Variants in NOS1AP observed in about 807,000 individuals in gnomAD.
The protein encoded by NOS1AP is carboxyl-terminal PDZ ligand of neuronal nitric oxide synthase protein.
Under a neutral mutation model 56.2 loss-of-function variants are expected in NOS1AP, and 21 were observed. The observed-to-expected ratio is 0.37, with a 90% CI of 0.26 to 0.54. The LOEUF (loss-of-function observed/expected upper bound fraction) is 0.54. Among genes scored for constraint, NOS1AP ranks in the 20% least tolerant of loss-of-function variants. The pLI is 0.84. For missense variants in NOS1AP, 522 were observed against 657.8 expected (o/e 0.79, Z 2.26); for synonymous variants, 270 against 274.6 (o/e 0.98, Z 0.17).
At chr1:162,228,668 C>T (rs1653019839) in intron 2 of NOS1AP, among the ~76,000 whole-genome samples, 1 of 152,242 alleles carries the variant, frequency 6.6e-6, no homozygotes, top group African/African-American at 2.4e-5. Context: ...TACCTTCTAA[C>T]TCGCTCAAAT....
At chr1:162,222,060 G>A (rs565281767) in intron 2 of NOS1AP, among the ~76,000 whole-genome samples, 7 of 152,112 alleles carry the variant, frequency 4.6e-5, no homozygotes, top group South Asian at 2.1e-4. Flanking sequence ...AATGAATTTC[G>A]CTTCTATTTC....
At chr1:162,303,396 C>A (rs541090471) in intron 4 of NOS1AP, among the ~76,000 whole-genome samples, 20 of 152,284 alleles carry the variant, frequency 1.3e-4, no homozygotes, top group African/African-American at 4.8e-4. Context: ...ATTAATATCT[C>A]ATTGTGATTT....
chr1:162,155,872 G>A (rs1649952602), intron 2 of NOS1AP, among the ~76,000 whole-genome samples: 1 of 152,144 alleles, frequency 6.6e-6, no homozygotes, highest in East Asian at 1.9e-4. Flanking sequence ...GTCATCCCTG[G>A]ATGCAGCCTG....
At position 162,343,891 on chromosome 1, in the gene NOS1AP, G is replaced by A. The variant is rs1250990792; in HGVS notation, c.510G>A (p.Lys170=). The A allele has an allele frequency of 1.2e-6, 2 of 1,614,124 alleles. No homozygotes were observed. Among genetic ancestry groups the A allele is most frequent in the Admixed American group, 3.3e-5 (2 of 60,026 alleles). Residue 170 remains lysine, a synonymous_variant, in exon 6 of 10, where the codon AAG becomes AAA. Coordinates refer to ENST00000361897, the MANE Select transcript of NOS1AP (RefSeq NM_014697.3). ...GGCAGGCCTTTGAGGTCTGCCACAA[G>A]CTGAGCCTGCAGCACACGCAGCAGA... ...TVGQAFEVCH[K]LSLQHTQQNA... is the part of the protein sequence containing the mutation.
intron 6 of NOS1AP, among the ~76,000 whole-genome samples, chr1:162,344,988 A>G (rs1024151428): frequency 6.6e-6 from 1 of 152,154 alleles, no homozygotes; most frequent in Non-Finnish European, 1.5e-5. Context: ...AAAAAAAAAG[A>G]TACTTATGAA....
At chr1:162,242,292 G>A (rs1322491912) in intron 2 of NOS1AP, among the ~76,000 whole-genome samples, 1 of 152,158 alleles carries the variant, frequency 6.6e-6, no homozygotes, top group African/African-American at 2.4e-5. Context: ...TTGAATCTTG[G>A]TTTACCTTCA....
intron 6 of NOS1AP, among the ~76,000 whole-genome samples, chr1:162,351,398 C>T (rs1557888743): frequency 6.6e-6 from 1 of 152,188 alleles, no homozygotes; most frequent in Non-Finnish European, 1.5e-5. Flanking sequence ...CCCTATGACA[C>T]TGAACAGCAC....
rs1295249593 is a variant in NOS1AP at position 162,070,185 on chromosome 1, G to C, written c.8G>C (p.Ser3Thr). Residue 3 changes from serine to threonine, a missense_variant, in exon 1 of 10, where the codon AGC becomes ACC. By Grantham distance (58) the Ser-to-Thr change is moderately conservative. Around this residue, in one of 4 missense-constraint regions of NOS1AP, gnomAD observed 132 missense variants for 218.1 expected, o/e 0.61. Coordinates refer to ENST00000361897, the MANE Select transcript of NOS1AP (RefSeq NM_014697.3). ...GGTCCGCCGCGGGTAACCATGCCTAGCAAAACCAAGTACAACCTTGTGGAC... is the reference window on the plus strand; with the variant it reads ...GGTCCGCCGCGGGTAACCATGCCTACCAAAACCAAGTACAACCTTGTGGAC... MP[S>T]KTKYNLVDDG... 2 of 1,613,848 alleles carry C rather than the reference G, an allele frequency of 1.2e-6. No individual in the cohort carries two copies. The highest frequency in any genetic ancestry group is 2.2e-5 in the South Asian group (2 of 91,084).
At chr1:162,081,110 T>A (rs915195050) in intron 1 of NOS1AP, among the ~76,000 whole-genome samples, 2 of 152,216 alleles carry the variant, frequency 1.3e-5, no homozygotes, top group African/African-American at 4.8e-5. Context: ...CTGTGTTCTG[T>A]GCATTGTTCT....
At chr1:162,161,457 T>A (rs558137715) in intron 2 of NOS1AP, among the ~76,000 whole-genome samples, 12 of 152,378 alleles carry the variant, frequency 7.9e-5, no homozygotes, top group African/African-American at 2.9e-4. Flanking sequence ...AATCTATCAG[T>A]TGTTCTTTAA....
intron 2 of NOS1AP, among the ~76,000 whole-genome samples, chr1:162,163,286 C>T (rs1650316946): frequency 6.6e-6 from 1 of 152,090 alleles, no homozygotes; most frequent in Non-Finnish European, 1.5e-5. Context: ...AGGGATTGAG[C>T]AGCGTGTGAT....
At chr1:162,330,447 A>G (rs1044912933) in intron 4 of NOS1AP, among the ~76,000 whole-genome samples, 2 of 152,182 alleles carry the variant, frequency 1.3e-5, no homozygotes, top group East Asian at 3.8e-4. Flanking sequence ...ACTGCTGAAG[A>G]AAAGGGAGGG....
intron 2 of NOS1AP, among the ~76,000 whole-genome samples, chr1:162,165,318 TC>T (rs1216562553): frequency 1.3e-5 from 2 of 151,226 alleles, no homozygotes; most frequent in Admixed American, 1.3e-4. Context: ...CGAAACTCTG[TC>T]AAAAAAAAAA....
intron 2 of NOS1AP, among the ~76,000 whole-genome samples, chr1:162,268,832 G>C (rs1654502172): frequency 6.6e-6 from 1 of 151,974 alleles, no homozygotes. Context: ...AATTAGAATA[G>C]AAATACAAGT....
intron 8 of NOS1AP, among the ~76,000 whole-genome samples, chr1:162,359,172 C>A (rs761049396): frequency 1.3e-4 from 20 of 152,254 alleles, no homozygotes; most frequent in Non-Finnish European, 2.2e-4. Flanking sequence ...GGCTGAGCAC[C>A]CTTAGCCTCT....
At chr1:162,093,392 C>T (rs1247329838) in intron 1 of NOS1AP, among the ~76,000 whole-genome samples, 1 of 152,036 alleles carries the variant, frequency 6.6e-6, no homozygotes, top group African/African-American at 2.4e-5. Context: ...CTTGGTATAC[C>T]CTGTGGACTT....
chr1:162,355,144 G>A (rs145938445), intron 6 of NOS1AP, 43 bp from the exon 7 acceptor site: 141 of 1,609,354 alleles, frequency 8.8e-5, no homozygotes, highest in Non-Finnish European at 1.1e-4. Flanking sequence ...CTTTGTTCTC[G>A]GTGTTTTCAT....
intron 1 of NOS1AP, among the ~76,000 whole-genome samples, chr1:162,151,119 ATTTTG>A (rs967554529): frequency 2.9e-4 from 44 of 152,250 alleles, no homozygotes; most frequent in African/African-American, 1.0e-3. Flanking sequence ...TCTTTAGTTC[ATTTTG>A]TTTTGATTTT....
intron 2 of NOS1AP, among the ~76,000 whole-genome samples, chr1:162,285,634 T>C (rs1248447963): frequency 6.6e-6 from 1 of 152,108 alleles, no homozygotes; most frequent in East Asian, 1.9e-4. Context: ...ATGCGCCTCT[T>C]CTTCTCTGTC....
Sources: allele counts gnomAD v4.1 joint callset (sites outside exome capture counted in the v4.1 genomes callset), GRCh38; gene constraint gnomAD v4.1.1; regional missense constraint gnomAD v4.1.1; transcripts MANE v1.5; gene names NCBI Gene and HGNC (gene_info 2026-07-23, HGNC 2026-07-21).